SMG6: variants seen among roughly 807,000 people sequenced by gnomAD.
SMG6 encodes the protein telomerase-binding protein EST1A.
A neutral mutation model predicts 142.2 loss-of-function variants in SMG6; 66 were observed. The observed-to-expected ratio is 0.46, with a 90% CI of 0.38 to 0.57. The LOEUF (loss-of-function observed/expected upper bound fraction) is 0.57, where lower values mean the gene tolerates loss of function less well. Among genes scored for constraint, SMG6 ranks in the 20% least tolerant of loss-of-function variants. SMG6 has a pLI of 0.00. For synonymous variants in SMG6, 779 were observed against 702.4 expected (o/e 1.11, Z -1.72); for missense variants, 1,793 against 1,832.0 (o/e 0.98, Z 0.39).
chr17:2,128,271 G>A (rs1055242611), intron 13 of SMG6, among the ~76,000 whole-genome samples: 1 of 152,094 alleles, frequency 6.6e-6, no homozygotes, highest in African/African-American at 2.4e-5. Flanking sequence ...GTGCAGGGAG[G>A]GCACGAAATG....
chr17:2,202,569 A>AT (rs1399714893), intron 10 of SMG6, among the ~76,000 whole-genome samples: 1 of 152,154 alleles, frequency 6.6e-6, no homozygotes, highest in African/African-American at 2.4e-5. Context: ...AAAAAAAAAA[A>AT]TAGAGTAATG....
rs1378415896 is a variant in SMG6, at chr17:2,123,935, T to C, written c.3358-38034A>G. The stretch of plus-strand genomic sequence containing the variant: ...GCTCACCCCACCCTCCATTTAACAC[T>C]GCCCCAGCAATCCAACTATGTGCTT... On this transcript the variant is annotated intron_variant, in intron 13 of 18. Transcript: ENST00000263073. 5.3e-5 allele frequency among the ~76,000 whole-genome samples: 8 copies of C among 152,244 alleles called. No individual in the cohort carries two copies. In the East Asian group the frequency reaches 1.3e-3, roughly 26 times the overall value.
intron 13 of SMG6, among the ~76,000 whole-genome samples, chr17:2,149,202 T>C (rs1453719094): frequency 2.0e-5 from 3 of 151,598 alleles, no homozygotes; most frequent in Non-Finnish European, 4.4e-5. Flanking sequence ...ATACAAAAAT[T>C]AGCCGGGCGT....
At chr17:2,273,458 A>G (rs2074582530) in intron 8 of SMG6, among the ~76,000 whole-genome samples, 1 of 152,112 alleles carries the variant, frequency 6.6e-6, no homozygotes, top group African/African-American at 2.4e-5. Flanking sequence ...CAGGAGATTG[A>G]GGCCAGCCTG....
intron 10 of SMG6, among the ~76,000 whole-genome samples, chr17:2,198,024 G>C (rs894739580): frequency 6.6e-6 from 1 of 152,216 alleles, no homozygotes; most frequent in African/African-American, 2.4e-5. Context: ...AAAAAAACCA[G>C]TATATAAATG....
At chr17:2,130,266 CAAAAAAA>C (rs903007543) in intron 13 of SMG6, among the ~76,000 whole-genome samples, 1 of 39,526 alleles carries the variant, frequency 2.5e-5, no homozygotes, top group Non-Finnish European at 4.1e-5. Flanking sequence ...GACTCCGTCT[CAAAAAAA>C]AAAAAAAAAA....
chr17:2,230,101 G>A (rs1407640473), intron 10 of SMG6, among the ~76,000 whole-genome samples: 3 of 144,134 alleles, frequency 2.1e-5, no homozygotes, highest in Non-Finnish European at 4.5e-5. Context: ...CATGGGAATC[G>A]CTTGAACCCA....
Position 2,061,610 on chromosome 17 carries a change from C to G in SMG6, c.4142G>C (p.Arg1381Pro). ...CAACAGCACCACCTCCCGCAGTAGC[C>G]GGATTGGCTCCTCTGTGGGCATGAG... ...FMPASKEEPI[R>P]LLREVVLLTD... is the part of the protein sequence containing the mutation. Residue 1381 changes from arginine to proline, a missense_variant, in exon 19 of 19, where the codon CGG becomes CCG. Coordinates refer to ENST00000263073, the MANE Select transcript of SMG6 (RefSeq NM_017575.5). 1 of 1,571,982 alleles carries G rather than the reference C, an allele frequency of 6.4e-7. No homozygotes were observed.
chr17:2,171,659 C>T (rs898086129), intron 13 of SMG6, among the ~76,000 whole-genome samples: 5 of 151,984 alleles, frequency 3.3e-5, no homozygotes, highest in African/African-American at 7.3e-5. Context: ...AAGGTGTGAG[C>T]CACTGCAACG....
chr17:2,202,648 G>C (rs564163532), intron 10 of SMG6, among the ~76,000 whole-genome samples: 1 of 152,270 alleles, frequency 6.6e-6, no homozygotes, highest in African/African-American at 2.4e-5. Context: ...AGGCTAATTT[G>C]ATAAAGAAAA....
At chr17:2,196,710 G>A (rs992657729) in intron 10 of SMG6, among the ~76,000 whole-genome samples, 1 of 152,134 alleles carries the variant, frequency 6.6e-6, no homozygotes, top group African/African-American at 2.4e-5. Flanking sequence ...AATAAAGCGG[G>A]AGAAATCGTT....
intron 15 of SMG6, among the ~76,000 whole-genome samples, chr17:2,077,653 G>A (rs2068297986): frequency 6.6e-6 from 1 of 152,136 alleles, no homozygotes; most frequent in Admixed American, 6.5e-5. Context: ...CTCTAATATT[G>A]GTGCTTTTAC....
At chr17:2,185,840 G>A (rs2071965341) in intron 12 of SMG6, among the ~76,000 whole-genome samples, 1 of 152,158 alleles carries the variant, frequency 6.6e-6, no homozygotes. Context: ...GTGAATGGAA[G>A]AGAGATGTGC....
chr17:2,285,485 C>T (rs74506187), intron 6 of SMG6, among the ~76,000 whole-genome samples: 3,241 of 152,130 alleles, frequency 0.021, 62 homozygotes, highest in South Asian at 0.071. Context: ...GATCAACACA[C>T]GAAATTCAGT....
chr17:2,205,786 TATAG>T (rs1171965345), intron 10 of SMG6, among the ~76,000 whole-genome samples: 12 of 152,194 alleles, frequency 7.9e-5, no homozygotes, highest in East Asian at 1.9e-4. Flanking sequence ...CTTACAGATA[TATAG>T]ATAAATATAT....
At chr17:2,292,705 A>G in intron 5 of SMG6, 75 bp from the exon 6 acceptor site, 1 of 1,552,644 alleles carries the variant, frequency 6.4e-7, no homozygotes, top group Non-Finnish European at 8.9e-7. Flanking sequence ...TAGCCCTAAT[A>G]CTTAAAACAT....
Position 2,301,957 on chromosome 17 carries a change from A to G in SMG6, c.89-1293T>C, listed in dbSNP as rs139368040. 6.2e-4 allele frequency among the ~76,000 whole-genome samples: 94 copies of G among 151,844 alleles called. 1 individual carries two copies. The highest frequency in any genetic ancestry group is 2.1e-3 in the African/African-American group (87 of 41,434). ...CAAGTACACAAATGGAATGCTATATAAAATCCTAGCATAGGCCAGGTGCAG... is the reference window on the plus strand; with the variant it reads ...CAAGTACACAAATGGAATGCTATATGAAATCCTAGCATAGGCCAGGTGCAG... On this transcript the variant is annotated intron_variant, in intron 1 of 18. Coordinates refer to ENST00000263073, the MANE Select transcript of SMG6 (RefSeq NM_017575.5).
At chr17:2,202,198 T>C in intron 10 of SMG6, among the ~76,000 whole-genome samples, 1 of 152,180 alleles carries the variant, frequency 6.6e-6, no homozygotes. Flanking sequence ...AATGGATAAA[T>C]AAATTGTGGT....
chr17:2,217,934 C>T (rs1434137431), intron 10 of SMG6, among the ~76,000 whole-genome samples: 3 of 151,598 alleles, frequency 2.0e-5, no homozygotes, highest in South Asian at 2.1e-4. Flanking sequence ...CGCTTGAACC[C>T]GGGATGCAGA....
Sources: gnomAD v4.1 joint callset for allele counts (sites outside exome capture counted in the v4.1 genomes callset) on GRCh38, gnomAD v4.1.1 for gene constraint, MANE v1.5 for transcripts, NCBI Gene and HGNC (gene_info 2026-07-23, HGNC 2026-07-21) for gene names.